Variants in DLG1 observed in about 807,000 individuals in gnomAD.
The protein encoded by DLG1 is disks large homolog 1.
DLG1 carries 42 observed loss-of-function variants against 123.4 expected under a neutral mutation model. The observed-to-expected ratio is 0.34, with a 90% CI of 0.27 to 0.44. The LOEUF is 0.44. DLG1 is among the 20% of genes least tolerant of loss of function. DLG1 has a pLI of 1.00. For missense variants in DLG1, 942 were observed against 1,082.6 expected, an observed-to-expected ratio of 0.87 and a Z score of 1.82; for synonymous variants, 317 against 356.2, an observed-to-expected ratio of 0.89 and a Z score of 1.24.
intron 18 of DLG1, among the ~76,000 whole-genome samples, chr3:197,071,563 G>A (rs764669118): frequency 1.3e-4 from 20 of 151,968 alleles, no homozygotes; most frequent in South Asian, 2.1e-4. Flanking sequence ...TTAGAATAGC[G>A]TCATCATAAT....
chr3:197,292,215 C>A (rs554983435), intron 3 of DLG1, among the ~76,000 whole-genome samples: 2 of 152,156 alleles, frequency 1.3e-5, no homozygotes, highest in Non-Finnish European at 2.9e-5. Context: ...GAGGAAGCAA[C>A]CCAACTGTCC....
chr3:197,124,683 C>T (rs1371611429), intron 11 of DLG1, among the ~76,000 whole-genome samples: 1 of 152,076 alleles, frequency 6.6e-6, no homozygotes, highest in Non-Finnish European at 1.5e-5. Flanking sequence ...TTCAAACAAC[C>T]CTCCTGCCTC....
rs573973763 is a variant in DLG1 at position 197,076,566 on chromosome 3, C to T, written c.2005+20G>A. ...CCTCTCCATTTTATTTTCAGTTGAC[C>T]ACTGGATCCACATACTTACGGTCAG... On this transcript the variant is annotated intron_variant, in intron 18 of 24. Transcript: ENST00000667157. The T allele has an allele frequency of 3.1e-5, 49 of 1,580,540 alleles. No homozygotes were observed. The Admixed American group carries it at 4.7e-4, about 15-fold the overall frequency.
intron 4 of DLG1, among the ~76,000 whole-genome samples, chr3:197,235,788 C>G (rs1745651311): frequency 1.3e-5 from 2 of 152,216 alleles, no homozygotes; most frequent in South Asian, 4.2e-4. Context: ...TGTGAGCCAT[C>G]AGAGGAGGAA....
chr3:197,155,706 A>G (rs1330889483), intron 5 of DLG1, among the ~76,000 whole-genome samples: 1 of 152,136 alleles, frequency 6.6e-6, no homozygotes, highest in Non-Finnish European at 1.5e-5. Context: ...AGGCAGGCAG[A>G]GATGGCTTGA....
At chr3:197,286,572 C>T (rs1771965013) in intron 3 of DLG1, among the ~76,000 whole-genome samples, 1 of 152,132 alleles carries the variant, frequency 6.6e-6, no homozygotes, top group Non-Finnish European at 1.5e-5. Context: ...GAGTTGGGGA[C>T]CCCTGCTGTA....
At chr3:197,253,069 A>G (rs1011510156) in intron 4 of DLG1, among the ~76,000 whole-genome samples, 2 of 152,204 alleles carry the variant, frequency 1.3e-5, no homozygotes, top group Non-Finnish European at 2.9e-5. Context: ...GATAAATTGG[A>G]CTTCATCAAA....
At chr3:197,053,319 A>C (rs894938413) in intron 23 of DLG1, among the ~76,000 whole-genome samples, 2 of 152,230 alleles carry the variant, frequency 1.3e-5, no homozygotes, top group African/African-American at 4.8e-5. Flanking sequence ...TACAGGTAAT[A>C]AACTCTTTCA....
At chr3:197,122,043 T>G (rs149593510) in intron 11 of DLG1, among the ~76,000 whole-genome samples, 2 of 151,932 alleles carry the variant, frequency 1.3e-5, no homozygotes, top group East Asian at 1.9e-4. Context: ...ACAGAAAAAT[T>G]TCAGGACACT....
intron 16 of DLG1, chr3:197,085,337 C>G: frequency 2.2e-6 from 1 of 457,624 alleles, no homozygotes; most frequent in Non-Finnish European, 4.0e-6. Flanking sequence ...GTCACGGAAA[C>G]TTTGTATCTC....
intron 24 of DLG1, among the ~76,000 whole-genome samples, chr3:197,046,508 T>C (rs1723178379): frequency 6.6e-6 from 1 of 152,150 alleles, no homozygotes; most frequent in African/African-American, 2.4e-5. Flanking sequence ...CTGCCCCAAA[T>C]GCAGAACCTA....
intron 19 of DLG1, among the ~76,000 whole-genome samples, chr3:197,067,984 ACTTTCT>A (rs1306546168): frequency 6.6e-6 from 1 of 152,202 alleles, no homozygotes; most frequent in African/African-American, 2.4e-5. Context: ...GTATTTGAAG[ACTTTCT>A]CTTTAATTAT....
At position 197,130,535 on chromosome 3, in the gene DLG1, A is replaced by G. The variant is rs1341836500; in HGVS notation, c.1157T>C (p.Ile386Thr). ...TATGCTAACAGACTTACAGTTGGTG[A>G]TATCAGGTGGTGCATAGCCATCATT... ...YMNDGYAPPD[I>T]TNSSSQPVDN... The change falls in exon 11 of 25, where the codon ATC becomes ACC. Residue 386 changes from isoleucine (I) to threonine (T), a missense_variant. Transcript: ENST00000667157. 8.7e-6 allele frequency: 14 copies of G among 1,600,466 alleles called. No homozygotes were observed. The highest frequency in any genetic ancestry group is 1.3e-5 in the African/African-American group (1 of 74,592).
intron 5 of DLG1, among the ~76,000 whole-genome samples, chr3:197,176,490 A>G (rs1479944786): frequency 6.6e-6 from 1 of 152,044 alleles, no homozygotes; most frequent in East Asian, 1.9e-4. Flanking sequence ...ACCCCTGGCA[A>G]CCACTGATCT....
At position 197,188,713 on chromosome 3, in the gene DLG1, T is replaced by G. The variant is rs150980035; in HGVS notation, c.483+5712A>C. Among the ~76,000 whole-genome samples the G allele has an allele frequency of 3.4e-4, 52 of 152,254 alleles. 1 individual carries two copies. The East Asian group carries it at 9.8e-3, about 29-fold the overall frequency. On this transcript the variant is annotated intron_variant, in intron 5 of 24. Transcript: ENST00000667157. ...CACAATACTATAAAAGAGGAAAAGC[T>G]CTCTATATTAGCTTTTATTTTAAAA...
intron 14 of DLG1, among the ~76,000 whole-genome samples, chr3:197,101,280 C>T (rs1305139500): frequency 6.6e-6 from 1 of 152,134 alleles, no homozygotes; most frequent in Non-Finnish European, 1.5e-5. Context: ...ACGGGGATAA[C>T]GGTGCTTACT....
intron 1 of DLG1, chr3:197,297,500 C>T (rs1437139003): frequency 4.8e-6 from 6 of 1,243,884 alleles, no homozygotes; most frequent in Non-Finnish European, 6.1e-6. Context: ...AGAGCCTAGA[C>T]CTGAGGCCGC....
Position 197,044,724 on chromosome 3 carries a change from C to T in DLG1, c.2581G>A (p.Val861Ile). The T allele has an allele frequency of 6.4e-7, 1 of 1,557,350 alleles. No individual in the cohort carries two copies. The highest frequency in any genetic ancestry group is 1.2e-5 in the South Asian group (1 of 83,506). The change falls in exon 25 of 25, where the codon GTA (valine) becomes ATA (isoleucine). Residue 861 changes from valine (V) to isoleucine (I), a missense_variant. By Grantham distance (29) the Val-to-Ile change is conservative. Transcript: ENST00000667157. Reference sequence around the variant, plus strand: ...ATGTCTTCCAGCGTATCCCCCTGTACAATAGCTGTAATGATAGAAACAAAA... The same window carrying T: ...ATGTCTTCCAGCGTATCCCCCTGTATAATAGCTGTAATGATAGAAACAAAA... The part of the protein sequence containing the change: ...QEFTEHFTAI[V>I]QGDTLEDIYN...
At chr3:197,209,932 T>C (rs1730457104) in intron 4 of DLG1, among the ~76,000 whole-genome samples, 1 of 146,590 alleles carries the variant, frequency 6.8e-6, no homozygotes, top group South Asian at 2.5e-4. Flanking sequence ...TTGTCACACA[T>C]TGTTACCAGA....
Sources: gnomAD v4.1 joint callset for allele counts (sites outside exome capture counted in the v4.1 genomes callset) on GRCh38, gnomAD v4.1.1 for gene constraint, MANE v1.5 for transcripts, NCBI Gene and HGNC (gene_info 2026-07-23, HGNC 2026-07-21) for gene names.